The following EPHA10 variants were observed in gnomAD, a reference collection of about 807,000 sequenced individuals.
EPHA10 encodes ephrin type-A receptor 10.
A neutral mutation model predicts 109.7 loss-of-function variants in EPHA10; 120 were observed. The ratio of observed to expected loss-of-function variants is 1.09; its 90% CI spans 0.94 to 1.27. The LOEUF is 1.27. EPHA10 is among the 50% of genes most tolerant of loss of function. EPHA10 has a pLI of 0.00. For synonymous variants in EPHA10, 640 were observed against 618.9 expected (o/e 1.03, Z -0.51); for missense variants, 1,396 against 1,411.1 (o/e 0.99, Z 0.17).
chr1:37,765,022 G>A lies in EPHA10; in HGVS notation c.45C>T (p.Cys15=). 1 of 1,610,682 alleles carries A rather than the reference G, an allele frequency of 6.2e-7. No homozygotes were observed. The highest frequency in any genetic ancestry group is 8.5e-7 in the Non-Finnish European group (1 of 1,179,372). The change falls in exon 1 of 17, where the codon TGC becomes TGT. Residue 15 remains cysteine (C), a synonymous_variant. Coordinates refer to ENST00000373048, the MANE Select transcript of EPHA10 (RefSeq NM_001099439.2). ...GCAGCGCGAGACAGAGCTGCATCCG[G>A]CAGAGGAAGAGGCGCAGCGGGTGTG... ...AGPHPLRLFL[C]RMQLCLALLL... is the part of the protein sequence containing the mutation.
rs753312670 is a variant in EPHA10, at chr1:37,720,553, CGCTGTGG to C, written c.2209-6_2209del. 1.9e-6 allele frequency: 3 copies of C among 1,608,748 alleles called. No individual in the cohort carries two copies. In the East Asian group the frequency reaches 6.7e-5, roughly 36 times the overall value. Reference sequence around the variant, plus strand: ...CCCAGCCACCAGCTGCCCCTCGTGCCGCTGTGGAGGGAGAAGACTGAGGCCAGGGCTG... The same window carrying C: ...CCCAGCCACCAGCTGCCCCTCGTGCCAGGGAGAAGACTGAGGCCAGGGCTG... On this transcript the variant is annotated splice_acceptor_variant and splice_polypyrimidine_tract_variant and coding_sequence_variant and intron_variant, in exon 13 of 17. Transcript: ENST00000373048. LOFTEE classifies it high-confidence loss of function.
At chr1:37,741,088 T>C (rs755510407) in intron 5 of EPHA10, among the ~76,000 whole-genome samples, 1 of 152,172 alleles carries the variant, frequency 6.6e-6, no homozygotes, top group Non-Finnish European at 1.5e-5. Context: ...TAGCCCACTA[T>C]TGGTCCACAA....
intron 5 of EPHA10, among the ~76,000 whole-genome samples, chr1:37,752,007 T>C (rs1416329370): frequency 6.6e-6 from 1 of 152,202 alleles, no homozygotes; most frequent in Admixed American, 6.5e-5. Context: ...CTCAGACTTC[T>C]TGGCAACACC....
In EPHA10 at chr1:37,718,452, G is replaced by A. The variant is rs755485058; in HGVS notation, c.2947C>T (p.His983Tyr). 6.2e-7 allele frequency: 1 copy of A among 1,613,474 alleles called. No individual in the cohort carries two copies. Among genetic ancestry groups the A allele is most frequent in the Non-Finnish European group, 8.5e-7 (1 of 1,180,010 alleles). ...ATCCCGCTGAGGAGGGCCTCTCGAT[G>A]TTCAGCCAAAGAGATGCCTAGGCTC... ...LVSLGISLAE[H>Y]REALLSGISA... The change falls in exon 17 of 17, where the codon CAT becomes TAT. Residue 983 changes from histidine (H) to tyrosine (Y), a missense_variant. Physicochemically the swap from His to Tyr is moderately conservative, Grantham distance 83 (BLOSUM62 2). Coordinates refer to ENST00000373048, the MANE Select transcript of EPHA10 (RefSeq NM_001099439.2).
At chr1:37,756,052 G>T (rs1403869271) in intron 3 of EPHA10, among the ~76,000 whole-genome samples, 5 of 152,138 alleles carry the variant, frequency 3.3e-5, no homozygotes, top group African/African-American at 1.2e-4. Flanking sequence ...AGAGTTCTGG[G>T]CAGCACAACT....
At chr1:37,733,689 A>G (rs1316029687) in intron 6 of EPHA10, among the ~76,000 whole-genome samples, 1 of 151,996 alleles carries the variant, frequency 6.6e-6, no homozygotes, top group East Asian at 1.9e-4. Flanking sequence ...AGCATTCCTC[A>G]GGGCTCTGTC....
At position 37,721,684 on chromosome 1, in the gene EPHA10, G is replaced by A. The variant is rs751881827; in HGVS notation, c.2122C>T (p.Arg708Trp). The A allele has an allele frequency of 4.4e-6, 7 of 1,608,560 alleles. No individual in the cohort carries two copies. The highest frequency in any genetic ancestry group is 3.4e-5 in the Admixed American group (2 of 59,622). The change falls in exon 11 of 17, where the codon CGG becomes TGG. Residue 708 changes from arginine (R) to tryptophan (W), a missense_variant. Transcript: ENST00000373048. ...CCTCGGGTAACAACGCCCTCCAGCC[G>A]CACGATGTGGCTATGGTCAAACTGG... ...LGQFDHSHIV[R>W]LEGVVTRGST...
chr1:37,740,075 CA>C (rs1018146254), intron 5 of EPHA10, among the ~76,000 whole-genome samples: 3 of 151,034 alleles, frequency 2.0e-5, no homozygotes, highest in African/African-American at 4.9e-5. Context: ...GACCCAGTCT[CA>C]AAAAAAATAA....
rs891042019 is a variant in EPHA10 at position 37,717,302 on chromosome 1, G to A, written c.*1070C>T. 3 of 232,634 alleles carry A rather than the reference G, an allele frequency of 1.3e-5. No individual in the cohort carries two copies. Among genetic ancestry groups the A allele is most frequent in the Non-Finnish European group, 2.5e-5 (3 of 117,762 alleles). The allele number at this position is 232,634 out of a possible 1,614,324, so 14.4% of individuals were successfully genotyped here. A position where few individuals can be genotyped will look rare whatever the true frequency, so the allele number is the denominator to read the frequency against. On this transcript the variant is annotated 3_prime_UTR_variant, in exon 17 of 17. Coordinates refer to ENST00000373048, the MANE Select transcript of EPHA10 (RefSeq NM_001099439.2). ...AGTGCCCAAGGCACGGAGCTGGCTG[G>A]AGGGGAGTCGCCTCTAGAGTCCCCA...
Position 37,743,268 on chromosome 1 carries a change from TAG to T in EPHA10, c.1358-7880_1358-7879del, listed in dbSNP as rs576431411. 2.7e-3 allele frequency among the ~76,000 whole-genome samples: 412 copies of T among 152,132 alleles called. 3 individuals carry two copies. The highest frequency in any genetic ancestry group is 9.3e-3 in the African/African-American group (388 of 41,512). Reference sequence around the variant, plus strand: ...GATCTTGAAAAGTGATTTAATATGATAGAGAGTAAGTAAAACGCTCTGGCACT... The same window carrying T: ...GATCTTGAAAAGTGATTTAATATGATAGAGTAAGTAAAACGCTCTGGCACT... On this transcript the variant is annotated intron_variant, in intron 5 of 16. Coordinates refer to ENST00000373048, the MANE Select transcript of EPHA10 (RefSeq NM_001099439.2).
chr1:37,722,648 G>A (rs1456864742), intron 10 of EPHA10, among the ~76,000 whole-genome samples: 2 of 152,172 alleles, frequency 1.3e-5, no homozygotes, highest in Non-Finnish European at 2.9e-5. Flanking sequence ...GAGGCTCTGA[G>A]CAAAACAGGG....
intron 11 of EPHA10, among the ~76,000 whole-genome samples, chr1:37,721,440 A>AG (rs1433006812): frequency 6.6e-6 from 1 of 151,306 alleles, no homozygotes; most frequent in Non-Finnish European, 1.5e-5. Flanking sequence ...AAAAAAAAAA[A>AG]AAGAAAGAAA....
chr1:37,749,749 T>C (rs1357987884), intron 5 of EPHA10, among the ~76,000 whole-genome samples: 1 of 151,948 alleles, frequency 6.6e-6, no homozygotes, highest in East Asian at 1.9e-4. Flanking sequence ...CATTGCTAAA[T>C]GATGGGAAGA....
Position 37,747,875 on chromosome 1 carries a change from T to C in EPHA10, c.1357+5001A>G, listed in dbSNP as rs1026085001. Reference sequence around the variant, plus strand: ...TGTCATAACCAGTAAAATTAACTTCTGGCAAGGATAATTAAGAAAAAAGAC... The same window carrying C: ...TGTCATAACCAGTAAAATTAACTTCCGGCAAGGATAATTAAGAAAAAAGAC... On this transcript the variant is annotated intron_variant, in intron 5 of 16. Coordinates refer to ENST00000373048, the MANE Select transcript of EPHA10 (RefSeq NM_001099439.2). Among the ~76,000 whole-genome samples, 3 of 152,114 alleles carry C rather than the reference T, an allele frequency of 2.0e-5. No homozygotes were observed. The East Asian group carries it at 5.8e-4, about 29-fold the overall frequency.
At chr1:37,746,120 G>A (rs139218620) in intron 5 of EPHA10, among the ~76,000 whole-genome samples, 1,200 of 118,080 alleles carry the variant, frequency 0.01, 8 homozygotes, top group Non-Finnish European at 0.016. Flanking sequence ...TTTTTTTTGA[G>A]ATGGAGTTTC....
At chr1:37,721,880 G>A (rs1400655112) in intron 10 of EPHA10, 35 bp from the exon 11 acceptor site, 2 of 1,496,100 alleles carry the variant, frequency 1.3e-6, no homozygotes, top group East Asian at 2.5e-5. Flanking sequence ...ACCGCCAGAG[G>A]CCACTGCCCT....
intron 5 of EPHA10, among the ~76,000 whole-genome samples, chr1:37,745,430 G>A (rs1242594193): frequency 6.6e-6 from 1 of 152,154 alleles, no homozygotes; most frequent in Non-Finnish European, 1.5e-5. Flanking sequence ...TACTTTGCAG[G>A]TAGGAATGCA....
At chr1:37,730,972 G>A (rs933096946) in intron 7 of EPHA10, among the ~76,000 whole-genome samples, 2 of 152,180 alleles carry the variant, frequency 1.3e-5, no homozygotes, top group Non-Finnish European at 2.9e-5. Flanking sequence ...GATTACAGGT[G>A]TGAGCCATCG....
In EPHA10 at chr1:37,761,543, C is replaced by A. The variant is rs766000675; in HGVS notation, c.712G>T (p.Gly238Ter). 1.3e-6 allele frequency: 2 copies of A among 1,598,776 alleles called. No homozygotes were observed. The highest frequency in any genetic ancestry group is 1.7e-6 in the Non-Finnish European group (2 of 1,177,282). The change falls in exon 3 of 17, where the codon GGA becomes TGA. Residue 238 changes from glycine (G) to a stop codon, truncating the protein, a stop_gained. Transcript: ENST00000373048. LOFTEE classifies it high-confidence loss of function. Reference protein sequence around the residue: ...SAFSTLVEVAGTCVAHSEGEP... With the variant: ...SAFSTLVEVA ...CCTTCCGAGTGCGCCACGCACGTTCCGGCCACTTCCACCAGTGTGGAGAAG... is the reference window on the plus strand; with the variant it reads ...CCTTCCGAGTGCGCCACGCACGTTCAGGCCACTTCCACCAGTGTGGAGAAG...
Sources: gnomAD v4.1 joint callset for allele counts (sites outside exome capture counted in the v4.1 genomes callset) on GRCh38, gnomAD v4.1.1 for gene constraint, MANE v1.5 for transcripts, NCBI Gene and HGNC (gene_info 2026-07-23, HGNC 2026-07-21) for gene names.